Variants in EDIL3 observed in about 807,000 individuals in gnomAD.
EDIL3 encodes EGF-like repeat and discoidin I-like domain-containing protein 3.
EDIL3 carries 37 observed loss-of-function variants against 67.4 expected under a neutral mutation model. The observed-to-expected ratio is 0.55, with a 90% CI of 0.42 to 0.72. EDIL3 has a LOEUF of 0.72. Among genes scored for constraint, EDIL3 ranks in the 30% least tolerant of loss-of-function variants. The pLI is 0.00. For synonymous variants in EDIL3, 195 were observed against 196.3 expected (o/e 0.99, Z 0.05); for missense variants, 527 against 586.3 (o/e 0.90, Z 1.04).
chr5:84,252,803 G>C (rs900965710), intron 2 of EDIL3, among the ~76,000 whole-genome samples: 2 of 152,010 alleles, frequency 1.3e-5, no homozygotes, highest in African/African-American at 4.8e-5. Flanking sequence ...TTTGAAGCCT[G>C]GGTCAAAGTG....
chr5:83,988,851 G>A (rs1745098724), intron 9 of EDIL3, among the ~76,000 whole-genome samples: 3 of 152,050 alleles, frequency 2.0e-5, no homozygotes, highest in African/African-American at 7.2e-5. Flanking sequence ...ATACAAAAAT[G>A]CAATAAAGAG....
At chr5:84,004,005 A>G (rs1244546199) in intron 9 of EDIL3, among the ~76,000 whole-genome samples, 1 of 152,088 alleles carries the variant, frequency 6.6e-6, no homozygotes, top group Non-Finnish European at 1.5e-5. Flanking sequence ...AAGAAAAAAA[A>G]AAAAGAAGAG....
At chr5:84,189,465 T>C (rs149874995) in intron 3 of EDIL3, among the ~76,000 whole-genome samples, 1 of 151,964 alleles carries the variant, frequency 6.6e-6, no homozygotes, top group African/African-American at 2.4e-5. Flanking sequence ...AGTTGATGTC[T>C]CCTTTTCTTC....
intron 2 of EDIL3, among the ~76,000 whole-genome samples, chr5:84,230,460 T>C (rs1022062319): frequency 3.3e-5 from 5 of 151,246 alleles, no homozygotes; most frequent in Admixed American, 2.0e-4. Flanking sequence ...CAGGCTGGAG[T>C]GCAATGGCAC....
At chr5:84,018,565 G>A (rs1745650151) in intron 9 of EDIL3, among the ~76,000 whole-genome samples, 1 of 152,146 alleles carries the variant, frequency 6.6e-6, no homozygotes, top group African/African-American at 2.4e-5. Context: ...GTCAAAAAGT[G>A]CCATCGGCAC....
At chr5:84,312,917 C>CATGATT (rs1746436471) in intron 1 of EDIL3, among the ~76,000 whole-genome samples, 1 of 152,082 alleles carries the variant, frequency 6.6e-6, no homozygotes, top group Admixed American at 6.5e-5. Flanking sequence ...CATAATTCAA[C>CATGATT]ATGATTATCA....
intron 6 of EDIL3, among the ~76,000 whole-genome samples, chr5:84,090,340 C>T (rs939903099): frequency 2.6e-5 from 4 of 152,080 alleles, no homozygotes; most frequent in African/African-American, 9.7e-5. Context: ...TGCTTTTCTC[C>T]AGCATTTTGA....
At chr5:84,045,243 A>ACAATT (rs1746200790) in intron 9 of EDIL3, among the ~76,000 whole-genome samples, 1 of 152,208 alleles carries the variant, frequency 6.6e-6, no homozygotes, top group Admixed American at 6.5e-5. Context: ...TATGGGAGCT[A>ACAATT]CAATTCAAGA....
At chr5:84,083,226 T>C (rs1055566711) in intron 6 of EDIL3, among the ~76,000 whole-genome samples, 19 of 152,194 alleles carry the variant, frequency 1.2e-4, no homozygotes, top group African/African-American at 4.6e-4. Context: ...AGTCAGTGTT[T>C]TGCACAACAA....
At position 83,987,667 on chromosome 5, in the gene EDIL3, G is replaced by A. The variant is rs115427255; in HGVS notation, c.1138-24307C>T. Among the ~76,000 whole-genome samples, 1,410 of 152,096 alleles carry A rather than the reference G, an allele frequency of 9.3e-3. 17 individuals are homozygous for A. The highest frequency in any genetic ancestry group is 0.032 in the African/African-American group (1,346 of 41,472). On this transcript the variant is annotated intron_variant, in intron 9 of 10. Transcript: ENST00000296591. ...CAGCTTAATCTTTTAAATGGTCACTGCAACTTTGCCTCATTATCCATATAT... is the reference window on the plus strand; with the variant it reads ...CAGCTTAATCTTTTAAATGGTCACTACAACTTTGCCTCATTATCCATATAT...
chr5:84,274,865 T>C (rs1056829268), intron 1 of EDIL3, among the ~76,000 whole-genome samples: 2 of 152,044 alleles, frequency 1.3e-5, no homozygotes, highest in Non-Finnish European at 2.9e-5. Flanking sequence ...AATAAAGAAT[T>C]CATTGCATTT....
At chr5:84,300,934 A>G (rs1327024923) in intron 1 of EDIL3, among the ~76,000 whole-genome samples, 1 of 77,518 alleles carries the variant, frequency 1.3e-5, no homozygotes, top group African/African-American at 3.8e-5. Flanking sequence ...ACAGACACAT[A>G]CACACACACA....
intron 5 of EDIL3, among the ~76,000 whole-genome samples, chr5:84,119,212 GTTTTTTTTTTT>G (rs66522256): frequency 3.6e-5 from 3 of 82,306 alleles, no homozygotes; most frequent in African/African-American, 1.4e-4. Context: ...CATGCATTTG[GTTTTTTTTTTT>G]TTTTTTTTTT....
chr5:84,067,984 GAGTACATTTTA>G (rs1012384846), intron 6 of EDIL3, among the ~76,000 whole-genome samples: 3 of 152,238 alleles, frequency 2.0e-5, no homozygotes, highest in Non-Finnish European at 4.4e-5. Flanking sequence ...CTATAACCAT[GAGTACATTTTA>G]AGTCCCATTC....
At chr5:83,951,289 G>A (rs1401357211) in intron 10 of EDIL3, among the ~76,000 whole-genome samples, 1 of 151,662 alleles carries the variant, frequency 6.6e-6, no homozygotes, top group Non-Finnish European at 1.5e-5. Context: ...TGGCTCTAAA[G>A]TTTGCTTTCT....
chr5:84,378,324 G>C (rs1392070998), intron 1 of EDIL3, among the ~76,000 whole-genome samples: 1 of 152,030 alleles, frequency 6.6e-6, no homozygotes, highest in Non-Finnish European at 1.5e-5. Flanking sequence ...CGCAAAACCA[G>C]CATTATCACC....
At chr5:84,116,191 CA>C (rs71605896) in intron 5 of EDIL3, among the ~76,000 whole-genome samples, 355 of 116,310 alleles carry the variant, frequency 3.1e-3, no homozygotes, top group East Asian at 0.013. Context: ...TTCCAGAGGT[CA>C]AAAAAAAAAA....
chr5:84,326,084 A>G (rs57378517), intron 1 of EDIL3, among the ~76,000 whole-genome samples: 427 of 152,138 alleles, frequency 2.8e-3, no homozygotes, highest in African/African-American at 0.01. Flanking sequence ...CATGGAATTG[A>G]GTTAGTTATT....
chr5:84,110,700 T>C (rs1747547192), intron 5 of EDIL3, among the ~76,000 whole-genome samples: 1 of 152,194 alleles, frequency 6.6e-6, no homozygotes, highest in African/African-American at 2.4e-5. Flanking sequence ...AAGATGACTG[T>C]GTAATTTAAT....
Sources: gnomAD v4.1 joint callset for allele counts (sites outside exome capture counted in the v4.1 genomes callset) on GRCh38, gnomAD v4.1.1 for gene constraint, MANE v1.5 for transcripts, NCBI Gene and HGNC (gene_info 2026-07-23, HGNC 2026-07-21) for gene names.